SETDB2: variants seen among roughly 807,000 people sequenced by gnomAD.
SETDB2 encodes the protein SET domain bifurcated histone lysine methyltransferase 2.
In SETDB2, 56 loss-of-function variants were observed where a neutral mutation model predicts 82.5. The ratio of observed to expected loss-of-function variants is 0.68; its 90% confidence interval spans 0.55 to 0.85. The LOEUF is 0.85. SETDB2 is among the 40% of genes least tolerant of loss of function. The probability of loss-of-function intolerance (pLI) is 0.00; values close to 1 mark genes in which losing one functional copy is unlikely to be tolerated. For synonymous variants in SETDB2, 272 were observed against 284.9 expected, an observed-to-expected ratio of 0.95 and a Z score of 0.46; for missense variants, 677 against 816.4, an observed-to-expected ratio of 0.83 and a Z score of 2.08.
chr13:49,486,295 C>A (rs1437704404), intron 11 of SETDB2, among the ~76,000 whole-genome samples: 1 of 98,428 alleles, frequency 1.0e-5, no homozygotes, highest in African/African-American at 4.1e-5. Context: ...TAGAACAAGA[C>A]CCTGTCTCAA....
Position 49,460,151 on chromosome 13 carries a change from G to C in SETDB2, c.61G>C (p.Val21Leu), listed in dbSNP as rs1481684139. ...GATGGAGCTAGAAGATGATGGAAAAGTGGACTTCATTTTTGAACAAGTACA... is the reference window on the plus strand; with the variant it reads ...GATGGAGCTAGAAGATGATGGAAAACTGGACTTCATTTTTGAACAAGTACA... ...FWMELEDDGK[V>L]DFIFEQVQNV... The change falls in exon 3 of 14, where the codon GTG becomes CTG. Residue 21 changes from valine to leucine, a missense_variant. Around this residue, in one of 3 missense-constraint regions of SETDB2, gnomAD observed 14 missense variants for 24.6 expected, o/e 0.57. Coordinates refer to ENST00000611815, the MANE Select transcript of SETDB2 (RefSeq NM_001160308.3). 2.5e-6 allele frequency: 4 copies of C among 1,613,286 alleles called. No individual in the cohort carries two copies. Among genetic ancestry groups the C allele is most frequent in the Admixed American group, 1.7e-5 (1 of 59,966 alleles).
intron 4 of SETDB2, among the ~76,000 whole-genome samples, chr13:49,464,587 A>G (rs1958063714): frequency 1.3e-5 from 2 of 152,230 alleles, no homozygotes; most frequent in Non-Finnish European, 2.9e-5. Context: ...TTTTATCAAT[A>G]GAAATGCCGA....
At chr13:49,485,856 A>G (rs1406715331) in intron 11 of SETDB2, 133 bp downstream of exon 11, 8 of 891,376 alleles carry the variant, frequency 9.0e-6, no homozygotes, top group Admixed American at 1.7e-5. Context: ...CAACTTGTCT[A>G]CATAAGAGAT....
chr13:49,472,857 G>A (rs1160140553), intron 5 of SETDB2, among the ~76,000 whole-genome samples: 1 of 151,854 alleles, frequency 6.6e-6, no homozygotes, highest in Non-Finnish European at 1.5e-5. Flanking sequence ...AGTGTTAATT[G>A]CTCAGTAACT....
At chr13:49,461,501 T>G (rs1957991640) in intron 4 of SETDB2, among the ~76,000 whole-genome samples, 1 of 152,244 alleles carries the variant, frequency 6.6e-6, no homozygotes, top group African/African-American at 2.4e-5. Context: ...ACTTGAAAGA[T>G]ATATTCTTGT....
chr13:49,484,485 GTC>G (rs1447115264), intron 10 of SETDB2, among the ~76,000 whole-genome samples: 6 of 152,156 alleles, frequency 3.9e-5, no homozygotes, highest in Non-Finnish European at 8.8e-5. Flanking sequence ...TGGCCAGCTG[GTC>G]TCAAACTCCT....
In SETDB2 at chr13:49,491,944, C is replaced by T. The variant is rs764927568; in HGVS notation, c.*95C>T. On this transcript the variant is annotated 3_prime_UTR_variant, in exon 14 of 14. Transcript: ENST00000611815. ...TAGGTCCATCAAGGAAATTCCCCTCCGTTTTCCTTTGTCATGGGGTTTATG... is the reference window on the plus strand; with the variant it reads ...TAGGTCCATCAAGGAAATTCCCCTCTGTTTTCCTTTGTCATGGGGTTTATG... The T allele has an allele frequency of 1.2e-5, 10 of 853,758 alleles. No individual in the cohort carries two copies. Among genetic ancestry groups the T allele is most frequent in the South Asian group, 4.0e-5 (3 of 74,838 alleles). 52.9% of individuals were successfully genotyped at this position (853,758 alleles called of 1,614,324 possible).
intron 10 of SETDB2, among the ~76,000 whole-genome samples, chr13:49,484,332 C>T (rs764269132): frequency 1.1e-4 from 17 of 152,194 alleles, no homozygotes; most frequent in Non-Finnish European, 2.2e-4. Context: ...TGCAATGGCA[C>T]GATCTCAGCT....
rs963861605 is a variant in SETDB2, at chr13:49,461,035, T to C, written c.143-62T>C. On this transcript the variant is annotated intron_variant, in intron 3 of 13. Transcript: ENST00000611815. The stretch of plus-strand genomic sequence containing the variant: ...AATGAGATAAAATATGTAAATTGTT[T>C]AGCACAGTAGCTGGCACCATAAATA... The C allele has an allele frequency of 9.5e-6, 12 of 1,260,910 alleles. No homozygotes were observed. The African/African-American group carries it at 1.0e-4, about 11-fold the overall frequency. 78.1% of individuals were successfully genotyped at this position (1,260,910 alleles called of 1,614,324 possible).
chr13:49,454,380 G>A (rs1957840089), intron 2 of SETDB2, among the ~76,000 whole-genome samples: 1 of 152,168 alleles, frequency 6.6e-6, no homozygotes, highest in Admixed American at 6.6e-5. Context: ...CTGTATTGCA[G>A]CCTGGGTGAC....
chr13:49,465,976 T>G (rs1270999502), intron 4 of SETDB2, among the ~76,000 whole-genome samples: 2 of 152,064 alleles, frequency 1.3e-5, no homozygotes, highest in Non-Finnish European at 2.9e-5. Context: ...AAAACAGAGG[T>G]GTTGAACAGG....
rs1958760959 is a variant in SETDB2 at position 49,494,062 on chromosome 13, TC to T, written c.*2214del. 1 of 152,212 alleles carries T rather than the reference TC, an allele frequency of 6.6e-6. No homozygotes were observed. The highest frequency in any genetic ancestry group is 1.5e-5 in the Non-Finnish European group (1 of 68,042). 9.4% of individuals were successfully genotyped at this position (152,212 alleles called of 1,614,324 possible). ...CAGAATTTGATCTCTAATTTTCCTA[TC>T]TTTTCTCTTAACTTTCAGCTCTGTC... On this transcript the variant is annotated 3_prime_UTR_variant, in exon 14 of 14. Coordinates refer to ENST00000611815, the MANE Select transcript of SETDB2 (RefSeq NM_001160308.3).
At chr13:49,489,907 G>GCC (rs530235148) in intron 12 of SETDB2, among the ~76,000 whole-genome samples, 658 of 30,570 alleles carry the variant, frequency 0.022, 10 homozygotes, top group Non-Finnish European at 0.032. Flanking sequence ...TATTTCTCCC[G>GCC]CCCCCCCCCC....
intron 2 of SETDB2, among the ~76,000 whole-genome samples, chr13:49,459,624 ACTTTCTCT>A: frequency 6.6e-6 from 1 of 152,266 alleles, no homozygotes; most frequent in South Asian, 2.1e-4. Flanking sequence ...CATTTATGTA[ACTTTCTCT>A]GTACAACTTT....
At chr13:49,483,941 A>G (rs1566174188) in intron 10 of SETDB2, among the ~76,000 whole-genome samples, 1 of 152,154 alleles carries the variant, frequency 6.6e-6, no homozygotes, top group South Asian at 2.1e-4. Context: ...TCTGAGATGT[A>G]AACTATTGCC....
intron 9 of SETDB2, 136 bp downstream of exon 9, chr13:49,483,098 T>G (rs1958511193): frequency 1.6e-6 from 1 of 622,978 alleles, no homozygotes; most frequent in Non-Finnish European, 2.8e-6. Flanking sequence ...TCTAACACTT[T>G]GAGAAATCCA....
chr13:49,491,618 A>C, intron 13 of SETDB2, 114 bp from the exon 14 acceptor site: 3 of 715,632 alleles, frequency 4.2e-6, no homozygotes, highest in Non-Finnish European at 7.3e-6. Flanking sequence ...GTTGGGTGAG[A>C]GAACAGATCA....
intron 4 of SETDB2, among the ~76,000 whole-genome samples, chr13:49,463,783 T>C (rs2138871878): frequency 6.6e-6 from 1 of 152,310 alleles, no homozygotes; most frequent in South Asian, 2.1e-4. Flanking sequence ...AACAGGAATC[T>C]ATACACTCAT....
chr13:49,471,934 A>ATATATATATATATATATAT (rs1378783393), intron 5 of SETDB2, among the ~76,000 whole-genome samples: 3 of 119,280 alleles, frequency 2.5e-5, no homozygotes, highest in African/African-American at 1.1e-4. Flanking sequence ...ATATATATAT[A>ATATATATATATATATATAT]TTTTTTTTTT....
Sources: gnomAD v4.1 joint callset for allele counts (sites outside exome capture counted in the v4.1 genomes callset) on GRCh38, gnomAD v4.1.1 for gene constraint, gnomAD v4.1.1 regional missense constraint, MANE v1.5 for transcripts, NCBI Gene and HGNC (gene_info 2026-07-23, HGNC 2026-07-21) for gene names.